CDH13: variants seen among roughly 807,000 people sequenced by gnomAD.
CDH13 encodes the protein cadherin-13.
Under a neutral mutation model 63.8 loss-of-function variants are expected in CDH13, and 24 were observed. The observed-to-expected ratio is 0.38, with a 90% CI of 0.27 to 0.53. CDH13 has a LOEUF of 0.53. Ranked by LOEUF, CDH13 falls within the 20% of genes least tolerant of loss-of-function variation. The probability of loss-of-function intolerance (pLI) is 0.85; values close to 1 mark genes in which losing one functional copy is unlikely to be tolerated. For synonymous variants in CDH13, 503 were observed against 355.3 expected, an observed-to-expected ratio of 1.42 and a Z score of -4.67; for missense variants, 1,049 against 903.1, an observed-to-expected ratio of 1.16 and a Z score of -2.07.
At chr16:83,625,935 A>G (rs1054077200) in intron 8 of CDH13, among the ~76,000 whole-genome samples, 3 of 151,720 alleles carry the variant, frequency 2.0e-5, no homozygotes, top group Non-Finnish European at 2.9e-5. Context: ...AGTCAGGTGT[A>G]TTGGGGTCTT....
intron 2 of CDH13, among the ~76,000 whole-genome samples, chr16:83,000,220 CTTATTTTTTTTTTTTT>C (rs1220614878): frequency 0.074 from 2,498 of 33,752 alleles, 159 homozygotes; most frequent in African/African-American, 0.11. Flanking sequence ...ACAGGTTTAG[CTTATTTTTTTTTTTTT>C]TTTTTTTTTT....
At chr16:82,928,662 C>G (rs968932116) in intron 2 of CDH13, among the ~76,000 whole-genome samples, 2 of 152,138 alleles carry the variant, frequency 1.3e-5, no homozygotes, top group African/African-American at 4.8e-5. Flanking sequence ...TGTGTAGGCT[C>G]TGTAAAAACT....
intron 7 of CDH13, among the ~76,000 whole-genome samples, chr16:83,538,810 A>T (rs1412373058): frequency 6.6e-6 from 1 of 152,266 alleles, no homozygotes; most frequent in Non-Finnish European, 1.5e-5. Context: ...ACAAGTATTT[A>T]TCCAGCTTGG....
chr16:83,050,440 G>A (rs371600960), intron 3 of CDH13, among the ~76,000 whole-genome samples: 16 of 152,148 alleles, frequency 1.1e-4, no homozygotes, highest in Admixed American at 2.0e-4. Flanking sequence ...ATGCTCTTCC[G>A]TTTGCTGTTT....
rs1208321616 is a variant in CDH13, at chr16:83,333,449, C to A, written c.637-11413C>A. Among the ~76,000 whole-genome samples, 5 of 152,122 alleles carry A rather than the reference C, an allele frequency of 3.3e-5. No individual in the cohort carries two copies. The East Asian group carries it at 9.7e-4, about 29-fold the overall frequency. On this transcript the variant is annotated intron_variant, in intron 5 of 13. Coordinates refer to ENST00000567109, the MANE Select transcript of CDH13 (RefSeq NM_001257.5). ...CACCTCTCTCAGATTGCCCAGCCTC[C>A]CCCTGCTCTTCTGGGAGACTGTCAG...
At chr16:82,877,627 G>T (rs1388556371) in intron 2 of CDH13, among the ~76,000 whole-genome samples, 1 of 152,058 alleles carries the variant, frequency 6.6e-6, no homozygotes, top group Non-Finnish European at 1.5e-5. Context: ...ATTCTGTTTT[G>T]TTTTTTAATT....
chr16:82,804,326 A>C (rs949046923), intron 1 of CDH13, among the ~76,000 whole-genome samples: 3 of 141,098 alleles, frequency 2.1e-5, no homozygotes, highest in East Asian at 2.0e-4. Flanking sequence ...CACACATACA[A>C]ATACAAAGAA....
chr16:83,235,314 A>C (rs79617722), intron 5 of CDH13, among the ~76,000 whole-genome samples: 160 of 152,298 alleles, frequency 1.1e-3, no homozygotes, highest in African/African-American at 3.7e-3. Flanking sequence ...CCGAGTGCCA[A>C]TAGTGTCACT....
chr16:83,096,226 A>AT (rs1485182347), intron 3 of CDH13, among the ~76,000 whole-genome samples: 1 of 152,204 alleles, frequency 6.6e-6, no homozygotes, highest in Non-Finnish European at 1.5e-5. Context: ...AAAGTTAATC[A>AT]TCAGGTCTCA....
intron 7 of CDH13, among the ~76,000 whole-genome samples, chr16:83,536,025 C>G (rs1287040914): frequency 6.6e-6 from 1 of 152,150 alleles, no homozygotes; most frequent in African/African-American, 2.4e-5. Context: ...CTTTGGCCCT[C>G]CTCTCTCTAG....
At chr16:82,812,921 G>T (rs62036830) in intron 1 of CDH13, among the ~76,000 whole-genome samples, 1 of 151,812 alleles carries the variant, frequency 6.6e-6, no homozygotes, top group Non-Finnish European at 1.5e-5. Context: ...GGAGAGAAGG[G>T]ATTTATGATG....
intron 7 of CDH13, among the ~76,000 whole-genome samples, chr16:83,549,187 A>G (rs2075445092): frequency 6.6e-6 from 1 of 152,142 alleles, no homozygotes; most frequent in South Asian, 2.1e-4. Flanking sequence ...GGACGCAGAC[A>G]AGCTGTGATG....
At chr16:83,289,193 C>G (rs992805238) in intron 5 of CDH13, among the ~76,000 whole-genome samples, 1 of 141,944 alleles carries the variant, frequency 7.0e-6, no homozygotes, top group African/African-American at 2.9e-5. Context: ...TATGAATGTG[C>G]GTGAACTTGG....
chr16:83,076,860 A>G (rs1334904083), intron 3 of CDH13, among the ~76,000 whole-genome samples: 2 of 152,198 alleles, frequency 1.3e-5, no homozygotes, highest in Non-Finnish European at 1.5e-5. Flanking sequence ...TGACAAACAT[A>G]TATTACTTTG....
intron 4 of CDH13, among the ~76,000 whole-genome samples, chr16:83,175,820 G>GC (rs2038096922): frequency 8.3e-6 from 1 of 119,804 alleles, no homozygotes; most frequent in Non-Finnish European, 1.7e-5. Context: ...TTTTCAACCT[G>GC]CTTTTTTTTT....
At chr16:83,188,972 C>G (rs767508943) in intron 4 of CDH13, among the ~76,000 whole-genome samples, 1 of 152,122 alleles carries the variant, frequency 6.6e-6, no homozygotes, top group Non-Finnish European at 1.5e-5. Context: ...AGCTGTGACA[C>G]TGGGATCTCA....
intron 6 of CDH13, among the ~76,000 whole-genome samples, chr16:83,475,088 A>G (rs931407): frequency 0.42 from 63,970 of 152,146 alleles, 13,871 homozygotes; most frequent in Middle Eastern, 0.52. Flanking sequence ...TGCAGAGCCC[A>G]TTGTAAAATG....
intron 8 of CDH13, among the ~76,000 whole-genome samples, chr16:83,645,861 A>G (rs554759381): frequency 1.3e-5 from 2 of 152,170 alleles, no homozygotes; most frequent in South Asian, 4.2e-4. Context: ...AGTCAAAAAG[A>G]TCCTTCATCA....
chr16:83,144,769 A>T (rs368679438), intron 4 of CDH13, among the ~76,000 whole-genome samples: 1 of 152,248 alleles, frequency 6.6e-6, no homozygotes, highest in Non-Finnish European at 1.5e-5. Context: ...GGGATCCCAG[A>T]TTCTGTGAGC....
Sources: gnomAD v4.1 joint callset for allele counts (sites outside exome capture counted in the v4.1 genomes callset) on GRCh38, gnomAD v4.1.1 for gene constraint, MANE v1.5 for transcripts, NCBI Gene and HGNC (gene_info 2026-07-23, HGNC 2026-07-21) for gene names.